Variants in SCTR observed in about 807,000 individuals in gnomAD.
SCTR encodes secretin receptor.
Under a neutral mutation model 60.8 loss-of-function variants are expected in SCTR, and 56 were observed. That is an observed-to-expected ratio of 0.92 (90% confidence interval 0.74 to 1.15). The LOEUF (loss-of-function observed/expected upper bound fraction) is 1.15. Among genes scored for constraint, SCTR ranks in the 50% most tolerant of loss-of-function variants. The pLI is 0.00. For missense variants in SCTR, 562 were observed against 550.4 expected, an observed-to-expected ratio of 1.02 and a Z score of -0.21; for synonymous variants, 202 against 217.0, an observed-to-expected ratio of 0.93 and a Z score of 0.61.
intron 1 of SCTR, among the ~76,000 whole-genome samples, chr2:119,494,869 TA>T (rs1238930028): frequency 5.7e-4 from 87 of 152,380 alleles, no homozygotes; most frequent in African/African-American, 2.0e-3. Context: ...GGACTTACTT[TA>T]TGCTACTCCA....
rs182641016 is a variant in SCTR at position 119,502,502 on chromosome 2, A to G, written c.73-7954T>C. Among the ~76,000 whole-genome samples, 553 of 152,334 alleles carry G rather than the reference A, an allele frequency of 3.6e-3. 3 individuals carry two copies. Among genetic ancestry groups the G allele is most frequent in the Non-Finnish European group, 3.8e-3 (258 of 68,032 alleles). On this transcript the variant is annotated intron_variant, in intron 1 of 12. Coordinates refer to ENST00000019103, the MANE Select transcript of SCTR (RefSeq NM_002980.3). ...CAAAATCCCAGCAAGTGTTTTGGAG[A>G]TACAAAGATTATTCTAAAATTTATG...
At chr2:119,508,409 G>A (rs1232164716) in intron 1 of SCTR, among the ~76,000 whole-genome samples, 2 of 17,650 alleles carry the variant, frequency 1.1e-4, no homozygotes, top group Non-Finnish European at 2.7e-4. Flanking sequence ...TTTTTTTTTT[G>A]GCAATCTCGC....
intron 1 of SCTR, among the ~76,000 whole-genome samples, chr2:119,522,100 G>A (rs1210568754): frequency 6.6e-6 from 1 of 152,168 alleles, no homozygotes; most frequent in Non-Finnish European, 1.5e-5. Context: ...TTTCAGACCA[G>A]CCTGACCAAC....
intron 4 of SCTR, 138 bp downstream of exon 4, chr2:119,473,315 C>T: frequency 1.6e-6 from 1 of 623,176 alleles, no homozygotes; most frequent in Non-Finnish European, 2.9e-6. Flanking sequence ...GGCATGGGGA[C>T]AGGGGGTAGC....
chr2:119,490,007 T>C (rs1678052207), intron 2 of SCTR, among the ~76,000 whole-genome samples: 1 of 152,224 alleles, frequency 6.6e-6, no homozygotes, highest in Non-Finnish European at 1.5e-5. Flanking sequence ...GCATTGTCCT[T>C]GGGGACAGGA....
At position 119,461,880 on chromosome 2, in the gene SCTR, T is replaced by C; in HGVS notation, c.757A>G (p.Lys253Glu). Reference protein sequence around the residue: ...LLAISFFSERKYLQGFVAFGW... With the variant: ...LLAISFFSEREYLQGFVAFGW... ...AATGCCACAAATCCCTGGAGGTACT[T>C]TCTTTCAGAGAAGAAGGAGATGGCG... The change falls in exon 7 of 13, where the codon AAG becomes GAG. Residue 253 changes from lysine (K) to glutamate (E), a missense_variant. Physicochemically the swap from Lys to Glu is moderately conservative, Grantham distance 56 (BLOSUM62 1). Transcript: ENST00000019103. 1.2e-6 allele frequency: 2 copies of C among 1,613,900 alleles called. No homozygotes were observed. Among genetic ancestry groups the C allele is most frequent in the Non-Finnish European group, 1.7e-6 (2 of 1,179,914 alleles).
intron 9 of SCTR, among the ~76,000 whole-genome samples, chr2:119,451,119 T>C (rs972337913): frequency 2.0e-5 from 3 of 152,196 alleles, no homozygotes; most frequent in Admixed American, 6.5e-5. Context: ...AGGGGCCCTG[T>C]CCTGTGCCCT....
At chr2:119,457,705 T>C (rs1270149117) in intron 7 of SCTR, among the ~76,000 whole-genome samples, 1 of 152,044 alleles carries the variant, frequency 6.6e-6, no homozygotes, top group Non-Finnish European at 1.5e-5. Flanking sequence ...GAGAGTGAGA[T>C]CCTGTCTCAG....
intron 4 of SCTR, among the ~76,000 whole-genome samples, chr2:119,470,217 G>C (rs1676945570): frequency 1.3e-5 from 2 of 152,064 alleles, no homozygotes; most frequent in Admixed American, 6.6e-5. Flanking sequence ...TCCACTATTG[G>C]TGTCAGTAAT....
intron 4 of SCTR, among the ~76,000 whole-genome samples, chr2:119,470,701 A>AT (rs763180842): frequency 6.6e-6 from 1 of 151,568 alleles, no homozygotes. Context: ...CATTGTGTGG[A>AT]TGTTTTTTCC....
At position 119,520,166 on chromosome 2, in the gene SCTR, C is replaced by CA. The variant is rs200564257; in HGVS notation, c.72+3988dup. ...ACTAGAAAGTGTTTTTCCAGGTACA[C>CA]AAAAAAAATCCCCAGTGACCCTCTC... is the stretch of plus-strand genomic sequence containing the variant. On this transcript the variant is annotated intron_variant, in intron 1 of 12. Coordinates refer to ENST00000019103, the MANE Select transcript of SCTR (RefSeq NM_002980.3). Among the ~76,000 whole-genome samples, 1,094 of 151,940 alleles carry CA rather than the reference C, an allele frequency of 7.2e-3. 9 individuals carry two copies. Among genetic ancestry groups the CA allele is most frequent in the African/African-American group, 0.024 (1,005 of 41,436 alleles).
At chr2:119,492,939 C>T (rs1415848314) in intron 2 of SCTR, among the ~76,000 whole-genome samples, 1 of 151,744 alleles carries the variant, frequency 6.6e-6, no homozygotes, top group East Asian at 1.9e-4. Flanking sequence ...ATCTCTGCAG[C>T]CTCTACCTCC....
intron 4 of SCTR, among the ~76,000 whole-genome samples, chr2:119,466,764 T>A (rs978438840): frequency 1.3e-5 from 2 of 151,088 alleles, no homozygotes; most frequent in East Asian, 3.9e-4. Context: ...TAAATAAATA[T>A]ATACATACAT....
chr2:119,478,393 G>A (rs1332503798), intron 3 of SCTR, among the ~76,000 whole-genome samples: 1 of 152,124 alleles, frequency 6.6e-6, no homozygotes, highest in Non-Finnish European at 1.5e-5. Context: ...TTCTCAGCAG[G>A]GCCTGACAGT....
chr2:119,454,607 A>T (rs1363986128), intron 7 of SCTR, among the ~76,000 whole-genome samples: 1 of 152,132 alleles, frequency 6.6e-6, no homozygotes, highest in Non-Finnish European at 1.5e-5. Context: ...TAATCTCAGC[A>T]CTTTGGGAGG....
chr2:119,516,064 A>G (rs1679105606), intron 1 of SCTR, among the ~76,000 whole-genome samples: 1 of 152,240 alleles, frequency 6.6e-6, no homozygotes, highest in Non-Finnish European at 1.5e-5. Context: ...GTGGGGTGAG[A>G]ACAAGTGCTA....
intron 2 of SCTR, chr2:119,479,133 T>C (rs747391196): frequency 5.5e-5 from 68 of 1,229,616 alleles, no homozygotes; most frequent in Middle Eastern, 2.8e-4. Flanking sequence ...GTGTTGAAGA[T>C]AGAAGGAAGT....
At chr2:119,467,719 A>G (rs80134041) in intron 4 of SCTR, among the ~76,000 whole-genome samples, 4,255 of 152,308 alleles carry the variant, frequency 0.028, 186 homozygotes, top group African/African-American at 0.093. Context: ...CCAAATGTCC[A>G]ACAATAGAAT....
intron 1 of SCTR, among the ~76,000 whole-genome samples, chr2:119,515,665 AC>A (rs2104949652): frequency 6.6e-6 from 1 of 152,262 alleles, no homozygotes; most frequent in South Asian, 2.1e-4. Flanking sequence ...GGATTTTAGA[AC>A]TTGCACAAGT....
Sources: allele counts gnomAD v4.1 joint callset (sites outside exome capture counted in the v4.1 genomes callset), GRCh38; gene constraint gnomAD v4.1.1; transcripts MANE v1.5; gene names NCBI Gene and HGNC (gene_info 2026-07-23, HGNC 2026-07-21).